The following MAGI2 variants were observed in gnomAD, a reference collection of about 807,000 sequenced individuals.
The protein encoded by MAGI2 is membrane associated guanylate kinase, WW and PDZ domain containing 2.
In MAGI2, 35 loss-of-function variants were observed where a neutral mutation model predicts 133.3. The ratio of observed to expected loss-of-function variants is 0.26; its 90% confidence interval spans 0.20 to 0.35. The LOEUF is 0.35. MAGI2 is among the 10% of genes least tolerant of loss of function. The pLI, the probability that MAGI2 is intolerant of heterozygous loss-of-function variation, is 1.00. For missense variants in MAGI2, 1,636 were observed against 1,863.4 expected (o/e 0.88, Z 2.25); for synonymous variants, 729 against 710.6 (o/e 1.03, Z -0.41).
At chr7:78,413,643 G>C (rs1798047452) in intron 6 of MAGI2, among the ~76,000 whole-genome samples, 1 of 151,972 alleles carries the variant, frequency 6.6e-6, no homozygotes, top group African/African-American at 2.4e-5. Context: ...AGATCTTGGG[G>C]AAAATGTGCA....
chr7:78,926,302 T>A (rs572393693), intron 2 of MAGI2, among the ~76,000 whole-genome samples: 1 of 152,184 alleles, frequency 6.6e-6, no homozygotes, highest in South Asian at 2.1e-4. Context: ...GAACTCCATA[T>A]AATGCCTAGT....
intron 1 of MAGI2, among the ~76,000 whole-genome samples, chr7:79,285,081 TTAA>T (rs908087834): frequency 4.6e-5 from 7 of 152,210 alleles, no homozygotes; most frequent in African/African-American, 1.4e-4. Flanking sequence ...AGAATGACTC[TTAA>T]TAAGATGAAT....
intron 21 of MAGI2, among the ~76,000 whole-genome samples, chr7:78,071,830 C>G (rs972155199): frequency 5.3e-5 from 8 of 152,182 alleles, no homozygotes; most frequent in African/African-American, 1.9e-4. Flanking sequence ...CCGTGAATGT[C>G]AGAAGCTGAA....
intron 1 of MAGI2, among the ~76,000 whole-genome samples, chr7:79,263,968 A>G (rs1051648065): frequency 2.6e-5 from 4 of 152,200 alleles, no homozygotes; most frequent in Non-Finnish European, 5.9e-5. Context: ...TCTCAAACAA[A>G]ATTTTACTTT....
chr7:78,616,051 C>A (rs1807050763), intron 3 of MAGI2: 1 of 152,110 alleles, frequency 6.6e-6, no homozygotes, highest in South Asian at 2.1e-4. Flanking sequence ...AATAAACAAA[C>A]CTATCCTTCC....
intron 1 of MAGI2, among the ~76,000 whole-genome samples, chr7:79,273,215 A>G (rs1223224907): frequency 7.0e-6 from 1 of 143,256 alleles, no homozygotes; most frequent in Non-Finnish European, 1.5e-5. Context: ...TTGTTCTTAA[A>G]TCACCCTTAA....
At chr7:78,053,574 C>T (rs1253044855) in intron 21 of MAGI2, among the ~76,000 whole-genome samples, 1 of 152,230 alleles carries the variant, frequency 6.6e-6, no homozygotes, top group Non-Finnish European at 1.5e-5. Context: ...ATCTACTAAC[C>T]AGAAATTCAG....
intron 2 of MAGI2, among the ~76,000 whole-genome samples, chr7:78,706,741 G>T (rs569221591): frequency 1.4e-4 from 21 of 152,140 alleles, no homozygotes; most frequent in Non-Finnish European, 2.9e-4. Flanking sequence ...ACAGAAGATA[G>T]CTTGGCAAAG....
intron 6 of MAGI2, among the ~76,000 whole-genome samples, chr7:78,456,067 A>T (rs1789284786): frequency 6.6e-6 from 1 of 150,734 alleles, no homozygotes; most frequent in Admixed American, 6.6e-5. Context: ...CTTCTACATG[A>T]TGTACTTTTT....
chr7:79,446,679 A>T (rs1848874906), intron 1 of MAGI2, among the ~76,000 whole-genome samples: 1 of 152,182 alleles, frequency 6.6e-6, no homozygotes, highest in South Asian at 2.1e-4. Flanking sequence ...GGTTGGGCGC[A>T]GTGGCTCACA....
At chr7:79,011,647 G>C (rs1040668474) in intron 1 of MAGI2, among the ~76,000 whole-genome samples, 1 of 152,140 alleles carries the variant, frequency 6.6e-6, no homozygotes, top group Non-Finnish European at 1.5e-5. Flanking sequence ...GGGGAAAGGT[G>C]GGGATGACCA....
intron 6 of MAGI2, among the ~76,000 whole-genome samples, chr7:78,482,911 A>G (rs984514723): frequency 1.4e-5 from 2 of 145,510 alleles, no homozygotes; most frequent in African/African-American, 5.5e-5. Context: ...ACACACACAC[A>G]CACACACACA....
chr7:78,966,783 C>T (rs1159563919), intron 2 of MAGI2, among the ~76,000 whole-genome samples: 1 of 150,792 alleles, frequency 6.6e-6, no homozygotes, highest in Non-Finnish European at 1.5e-5. Flanking sequence ...ATTAAACATT[C>T]CCACTAATAG....
chr7:78,610,824 A>T (rs181136190), intron 3 of MAGI2, among the ~76,000 whole-genome samples: 7 of 152,172 alleles, frequency 4.6e-5, no homozygotes, highest in Admixed American at 4.6e-4. Flanking sequence ...GGAGGCACAA[A>T]TAGAAGAGCA....
intron 3 of MAGI2, among the ~76,000 whole-genome samples, chr7:78,619,274 A>G (rs1333856886): frequency 2.0e-5 from 3 of 151,864 alleles, no homozygotes. Context: ...AGAAAAATGA[A>G]TTAAACTGTG....
At chr7:78,268,889 A>T (rs781391781) in intron 9 of MAGI2, among the ~76,000 whole-genome samples, 3 of 152,084 alleles carry the variant, frequency 2.0e-5, no homozygotes, top group Non-Finnish European at 4.4e-5. Context: ...GTACCCTTCA[A>T]CCCATCATCT....
intron 4 of MAGI2, among the ~76,000 whole-genome samples, chr7:78,507,906 C>T (rs1795227178): frequency 6.6e-6 from 1 of 152,194 alleles, no homozygotes; most frequent in Admixed American, 6.5e-5. Context: ...ACACCACAAA[C>T]TGAGTGGCTT....
At chr7:78,846,157 C>T (rs1346733913) in intron 2 of MAGI2, among the ~76,000 whole-genome samples, 2 of 151,042 alleles carry the variant, frequency 1.3e-5, no homozygotes, top group Non-Finnish European at 3.0e-5. Flanking sequence ...CCCCAGTGAA[C>T]ATGGGGAAGT....
In MAGI2 at chr7:79,234,931, A is replaced by G. The variant is rs370763646; in HGVS notation, c.301+218089T>C. ...TTTCCCTATCTTTGTGGTTTTATCT[A>G]CTTTTGGTCTTTGATGATGGTGATG... On this transcript the variant is annotated intron_variant, in intron 1 of 21. Coordinates refer to ENST00000354212, the MANE Select transcript of MAGI2 (RefSeq NM_012301.4). Among the ~76,000 whole-genome samples, 65 of 151,738 alleles carry G rather than the reference A, an allele frequency of 4.3e-4. No individual in the cohort carries two copies. The East Asian group carries it at 0.011, about 27-fold the overall frequency.
Sources: gnomAD v4.1 joint callset for allele counts (sites outside exome capture counted in the v4.1 genomes callset) on GRCh38, gnomAD v4.1.1 for gene constraint, MANE v1.5 for transcripts, NCBI Gene and HGNC (gene_info 2026-07-23, HGNC 2026-07-21) for gene names.